The following GRM5 variants were observed in gnomAD, a reference collection of about 807,000 sequenced individuals.
GRM5 encodes the protein glutamate metabotropic receptor 5.
A neutral mutation model predicts 83.1 loss-of-function variants in GRM5; 19 were observed. The observed-to-expected ratio is 0.23, with a 90% CI of 0.16 to 0.34. The LOEUF (loss-of-function observed/expected upper bound fraction) is 0.34. Among genes scored for constraint, GRM5 ranks in the 10% least tolerant of loss-of-function variants. GRM5 has a pLI of 1.00. For missense variants in GRM5, 1,160 were observed against 1,588.3 expected (o/e 0.73, Z 4.58); for synonymous variants, 675 against 633.6 (o/e 1.07, Z -0.98).
intron 2 of GRM5, chr11:88,925,791 C>A: frequency 2.2e-6 from 1 of 451,398 alleles, no homozygotes; most frequent in South Asian, 1.6e-5. Context: ...TGCCTGTAAT[C>A]CTAGCTCCTC....
At chr11:88,953,318 A>C (rs556032449) in intron 2 of GRM5, among the ~76,000 whole-genome samples, 3 of 152,334 alleles carry the variant, frequency 2.0e-5, no homozygotes, top group African/African-American at 7.2e-5. Flanking sequence ...CATCTATGCC[A>C]GTAGATTAAA....
chr11:88,939,068 C>A (rs1385025060), intron 2 of GRM5, among the ~76,000 whole-genome samples: 4 of 151,624 alleles, frequency 2.6e-5, no homozygotes, highest in African/African-American at 9.7e-5. Flanking sequence ...TTTCCTTTTT[C>A]TTTGCATATT....
intron 5 of GRM5, among the ~76,000 whole-genome samples, chr11:88,602,183 T>C (rs1938018460): frequency 6.6e-6 from 1 of 152,230 alleles, no homozygotes; most frequent in Admixed American, 6.5e-5. Context: ...TAGTCTTGTT[T>C]ATCACAATGT....
At chr11:88,630,475 C>T (rs1938932375) in intron 4 of GRM5, among the ~76,000 whole-genome samples, 1 of 150,794 alleles carries the variant, frequency 6.6e-6, no homozygotes, top group East Asian at 2.0e-4. Flanking sequence ...ATATATTTGC[C>T]TTGTATTCCA....
At chr11:88,782,311 AG>A (rs1216643681) in intron 3 of GRM5, among the ~76,000 whole-genome samples, 1 of 152,162 alleles carries the variant, frequency 6.6e-6, no homozygotes, top group African/African-American at 2.4e-5. Context: ...CCACGTGTCT[AG>A]GGAAGCCTCA....
chr11:88,851,692 T>C (rs763695872), intron 2 of GRM5, among the ~76,000 whole-genome samples: 2 of 152,168 alleles, frequency 1.3e-5, no homozygotes, highest in Non-Finnish European at 2.9e-5. Flanking sequence ...TTGCTGCAAA[T>C]GAAATCTGTT....
chr11:88,625,441 T>C (rs1356822326), intron 4 of GRM5, among the ~76,000 whole-genome samples: 1 of 152,198 alleles, frequency 6.6e-6, no homozygotes, highest in Admixed American at 6.5e-5. Context: ...TAATTTTTTC[T>C]AAGGAAAAAT....
intron 3 of GRM5, among the ~76,000 whole-genome samples, chr11:88,838,114 T>G (rs1367302570): frequency 1.9e-5 from 2 of 107,118 alleles, no homozygotes; most frequent in Non-Finnish European, 4.3e-5. Flanking sequence ...AAAAAAGATA[T>G]AAGTAACGTC....
chr11:88,850,478 A>AT (rs879576046), intron 2 of GRM5, among the ~76,000 whole-genome samples: 3 of 152,028 alleles, frequency 2.0e-5, no homozygotes, highest in South Asian at 4.1e-4. Flanking sequence ...TTTATCTGCT[A>AT]TTTTTTTGCA....
intron 3 of GRM5, among the ~76,000 whole-genome samples, chr11:88,801,710 C>T (rs1214186375): frequency 6.6e-6 from 1 of 152,152 alleles, no homozygotes; most frequent in Non-Finnish European, 1.5e-5. Flanking sequence ...GCTAGAATAA[C>T]TTGACTTCTT....
At chr11:88,776,109 T>C (rs1375042296) in intron 3 of GRM5, among the ~76,000 whole-genome samples, 1 of 152,224 alleles carries the variant, frequency 6.6e-6, no homozygotes, top group African/African-American at 2.4e-5. Context: ...ACTTGCTTTA[T>C]GAATCTGGGT....
intron 3 of GRM5, among the ~76,000 whole-genome samples, chr11:88,681,565 C>CTTTT (rs796854617): frequency 0.013 from 340 of 25,408 alleles, 62 homozygotes; most frequent in Admixed American, 0.021. Flanking sequence ...TGAGTTCTTC[C>CTTTT]TTTTTTTTTT....
intron 3 of GRM5, among the ~76,000 whole-genome samples, chr11:88,685,609 G>A (rs1440311859): frequency 1.3e-5 from 2 of 152,146 alleles, no homozygotes; most frequent in African/African-American, 4.8e-5. Flanking sequence ...GGCCCAGGAG[G>A]CCTAGGAAAA....
At chr11:89,035,127 AT>A in intron 2 of GRM5, among the ~76,000 whole-genome samples, 1 of 151,866 alleles carries the variant, frequency 6.6e-6, no homozygotes, top group South Asian at 2.1e-4. Context: ...TTTATTACAA[AT>A]AATATAACCA....
At chr11:88,942,367 A>G (rs1446386868) in intron 2 of GRM5, among the ~76,000 whole-genome samples, 3 of 152,002 alleles carry the variant, frequency 2.0e-5, no homozygotes, top group African/African-American at 4.8e-5. Flanking sequence ...CATTCTTTCA[A>G]CTTTTCTAGT....
At chr11:88,763,983 A>G (rs1296280203) in intron 3 of GRM5, among the ~76,000 whole-genome samples, 1 of 151,774 alleles carries the variant, frequency 6.6e-6, no homozygotes, top group Non-Finnish European at 1.5e-5. Flanking sequence ...AGACCCACTG[A>G]GATTCAAAGG....
intron 8 of GRM5, among the ~76,000 whole-genome samples, chr11:88,546,685 C>T (rs1035521551): frequency 4.6e-5 from 7 of 151,906 alleles, no homozygotes; most frequent in East Asian, 1.9e-4. Context: ...AGACTTTGTA[C>T]GTGGTGTAAG....
intron 3 of GRM5, among the ~76,000 whole-genome samples, chr11:88,680,603 C>A (rs1430664925): frequency 6.6e-6 from 1 of 152,104 alleles, no homozygotes; most frequent in African/African-American, 2.4e-5. Context: ...CTAGAAATAC[C>A]ATTTGACCCA....
chr11:89,030,906 A>G (rs1318419581), intron 2 of GRM5, among the ~76,000 whole-genome samples: 1 of 152,028 alleles, frequency 6.6e-6, no homozygotes, highest in Non-Finnish European at 1.5e-5. Flanking sequence ...CTAAATATAA[A>G]TGTGTCTAGG....
Sources: gnomAD v4.1 joint callset for allele counts (sites outside exome capture counted in the v4.1 genomes callset) on GRCh38, gnomAD v4.1.1 for gene constraint, MANE v1.5 for transcripts, NCBI Gene and HGNC (gene_info 2026-07-23, HGNC 2026-07-21) for gene names.